Variants in MAPKBP1 observed in about 807,000 individuals in gnomAD.
MAPKBP1 encodes mitogen-activated protein kinase binding protein 1, also known as mitogen-activated protein kinase-binding protein 1.
MAPKBP1 carries 71 observed loss-of-function variants against 170.5 expected under a neutral mutation model. That is an observed-to-expected ratio of 0.42 (90% CI 0.34 to 0.51). MAPKBP1 has a LOEUF of 0.51. MAPKBP1 is among the 20% of genes least tolerant of loss of function. The pLI, the probability that MAPKBP1 is intolerant of heterozygous loss-of-function variation, is 0.06. For missense variants in MAPKBP1, 1,598 were observed against 1,933.0 expected (o/e 0.83, Z 3.25); for synonymous variants, 719 against 757.9 (o/e 0.95, Z 0.84).
In MAPKBP1 at chr15:41,817,703, C is replaced by T. The variant is rs1316590486; in HGVS notation, c.1872C>T (p.Tyr624=). The change falls in exon 16 of 31, where the codon TAC becomes TAT. Residue 624 remains tyrosine, a synonymous_variant. Transcript: ENST00000457542. The surrounding 1 kb of genome is among the most constrained non-coding windows in gnomAD (Gnocchi z 4.2). ...YDMDVEPSWK[Y]TAIGCQDRNI... is the part of the protein sequence containing the mutation. ...TGGATGTGGAGCCCAGCTGGAAGTA[C>T]ACGGCTATCGGCTGCCAGGACCGAA... 3 of 1,614,036 alleles carry T rather than the reference C, an allele frequency of 1.9e-6. No individual in the cohort carries two copies. In the African/African-American group the frequency reaches 4.0e-5, roughly 22 times the overall value.
chr15:41,817,945 C>G lies in MAPKBP1; in HGVS notation c.1905-64C>G. The G allele has an allele frequency of 1.3e-6, 2 of 1,568,380 alleles. No homozygotes were observed. Among genetic ancestry groups the G allele is most frequent in the East Asian group, 2.2e-5 (1 of 44,656 alleles). ...AGACTGGGAGTGAAAGCTGGCATTT[C>G]CATCCCCCAGGCGTGTTCCACCTTC... is the stretch of plus-strand genomic sequence containing the variant. On this transcript the variant is annotated intron_variant, in intron 16 of 30. Transcript: ENST00000457542. This position sits in a 1 kb window ranked among gnomAD's most constrained non-coding sequence, Gnocchi z 4.2.
chr15:41,796,612 C>G (rs114850645), intron 2 of MAPKBP1, among the ~76,000 whole-genome samples: 310 of 151,014 alleles, frequency 2.1e-3, no homozygotes, highest in Non-Finnish European at 3.3e-3. Context: ...TTTTCCCCCC[C>G]CTTGGATAGC....
At chr15:41,786,423 C>T (rs1341473321) in intron 2 of MAPKBP1, among the ~76,000 whole-genome samples, 4 of 151,726 alleles carry the variant, frequency 2.6e-5, no homozygotes, top group African/African-American at 7.3e-5. Context: ...ATTTAAAATC[C>T]GTATGCTCAT....
intron 3 of MAPKBP1, among the ~76,000 whole-genome samples, chr15:41,805,627 C>T (rs1340837525): frequency 2.6e-5 from 4 of 152,200 alleles, no homozygotes; most frequent in African/African-American, 9.7e-5. Flanking sequence ...CCTGAGGAGG[C>T]CCTCCATTTC....
intron 2 of MAPKBP1, among the ~76,000 whole-genome samples, chr15:41,786,642 G>T (rs944172317): frequency 6.7e-6 from 1 of 149,718 alleles, no homozygotes. Flanking sequence ...GCGGGTGCCC[G>T]TAGTCCCAGC....
chr15:41,792,252 T>C (rs983380408), intron 2 of MAPKBP1, among the ~76,000 whole-genome samples: 10 of 151,794 alleles, frequency 6.6e-5, no homozygotes, highest in Non-Finnish European at 1.5e-4. Context: ...CCCTTTATCT[T>C]ATTAAAGTGA....
chr15:41,817,465 G>A lies in MAPKBP1; in HGVS notation c.1782+7G>A. On this transcript the variant is annotated splice_region_variant and intron_variant, in intron 15 of 30. Coordinates refer to ENST00000457542, the MANE Select transcript of MAPKBP1 (RefSeq NM_014994.3). The surrounding 1 kb of genome is among the most constrained non-coding windows in gnomAD (Gnocchi z 4.2). ...CTTCCGCACTGCGCAGAAGGTGAGG[G>A]CGCTGGGCTTTCCTGAGAGGGGCGG... 1 of 1,613,972 alleles carries A rather than the reference G, an allele frequency of 6.2e-7. No homozygotes were observed. Among genetic ancestry groups the A allele is most frequent in the Non-Finnish European group, 8.5e-7 (1 of 1,179,842 alleles).
intron 2 of MAPKBP1, among the ~76,000 whole-genome samples, chr15:41,794,917 C>T (rs562617683): frequency 6.6e-6 from 1 of 152,162 alleles, no homozygotes; most frequent in Non-Finnish European, 1.5e-5. Context: ...GTGATCCCAG[C>T]ACTTTGGGAG....
intron 2 of MAPKBP1, among the ~76,000 whole-genome samples, chr15:41,785,741 A>G (rs2064275206): frequency 6.6e-6 from 1 of 152,194 alleles, no homozygotes; most frequent in Non-Finnish European, 1.5e-5. Flanking sequence ...AAATAAAGAT[A>G]CATGAAGATG....
At chr15:41,824,836 T>A (rs765485743) in intron 30 of MAPKBP1, among the ~76,000 whole-genome samples, 2 of 152,200 alleles carry the variant, frequency 1.3e-5, no homozygotes, top group Non-Finnish European at 2.9e-5. Flanking sequence ...CTCAGGACAA[T>A]CCCAGTTTAT....
intron 2 of MAPKBP1, 43 bp downstream of exon 2, chr15:41,775,432 C>T (rs1392816782): frequency 1.4e-6 from 2 of 1,407,550 alleles, no homozygotes; most frequent in South Asian, 1.2e-5. Flanking sequence ...CCCACCCTCT[C>T]CTGCTCCATG....
At chr15:41,794,833 A>G (rs1445469176) in intron 2 of MAPKBP1, among the ~76,000 whole-genome samples, 3 of 152,302 alleles carry the variant, frequency 2.0e-5, no homozygotes, top group East Asian at 1.9e-4. Flanking sequence ...GATGTAATCA[A>G]TGTTGGGTTG....
At chr15:41,824,403 C>A in intron 29 of MAPKBP1, 81 bp from the exon 30 acceptor site, 1 of 1,329,162 alleles carries the variant, frequency 7.5e-7, no homozygotes. Flanking sequence ...GGCTAGGTCT[C>A]TCCTGTTCTG....
In MAPKBP1 at chr15:41,813,114, G is replaced by A. The variant is rs767401167; in HGVS notation, c.819+13G>A. On this transcript the variant is annotated intron_variant, in intron 8 of 30. Transcript: ENST00000457542. ...GGTGGAGCTGAGGGTAAGTACCTCC[G>A]TCCCCAGGGGTAGGGTCTGCTCATG... The A allele has an allele frequency of 1.9e-5, 30 of 1,589,056 alleles. No individual in the cohort carries two copies. In the Admixed American group the frequency reaches 5.0e-4, roughly 26 times the overall value.
intron 29 of MAPKBP1, 137 bp downstream of exon 29, chr15:41,824,198 C>T (rs911333620): frequency 2.9e-5 from 35 of 1,216,558 alleles, no homozygotes; most frequent in African/African-American, 2.3e-4. Context: ...GTCGCAGGTC[C>T]GTAAGTCACA....
At chr15:41,805,568 G>A (rs1375053163) in intron 3 of MAPKBP1, among the ~76,000 whole-genome samples, 12 of 152,226 alleles carry the variant, frequency 7.9e-5, no homozygotes, top group Admixed American at 7.8e-4. Context: ...GCTAAGAAGA[G>A]ACCTCTTGGT....
chr15:41,820,423 T>C (rs959517824), intron 22 of MAPKBP1, among the ~76,000 whole-genome samples: 2 of 152,140 alleles, frequency 1.3e-5, no homozygotes, highest in African/African-American at 4.8e-5. Flanking sequence ...GCTGGATTTC[T>C]TGGGGGACTC....
At chr15:41,819,556 G>GGT (rs151281998) in intron 21 of MAPKBP1, 39 bp from the exon 22 acceptor site, 11 of 1,347,672 alleles carry the variant, frequency 8.2e-6, no homozygotes, top group Non-Finnish European at 1.0e-5. Flanking sequence ...GCGGGGGGGG[G>GGT]GCAGGAGACA....
At chr15:41,791,887 C>A (rs2064402310) in intron 2 of MAPKBP1, among the ~76,000 whole-genome samples, 1 of 152,018 alleles carries the variant, frequency 6.6e-6, no homozygotes. Context: ...GAAACCCCGT[C>A]TCTACTAAAA....
Sources: gnomAD v4.1 joint callset for allele counts (sites outside exome capture counted in the v4.1 genomes callset) on GRCh38, gnomAD v4.1.1 for gene constraint, Gnocchi (gnomAD v3.1) non-coding constraint, MANE v1.5 for transcripts, NCBI Gene and HGNC (gene_info 2026-07-23, HGNC 2026-07-21) for gene names.